DAPK2: variants seen among roughly 807,000 people sequenced by gnomAD.
The protein encoded by DAPK2 is death associated protein kinase 2.
Under a neutral mutation model 44.1 loss-of-function variants are expected in DAPK2, and 35 were observed. The observed-to-expected ratio is 0.79, with a 90% CI of 0.61 to 1.05. The LOEUF is 1.05. Ranked by LOEUF, DAPK2 falls within the 50% of genes least tolerant of loss-of-function variation. DAPK2 has a pLI of 0.00. For missense variants in DAPK2, 453 were observed against 483.2 expected (o/e 0.94, Z 0.59); for synonymous variants, 174 against 182.6 (o/e 0.95, Z 0.38).
intron 1 of DAPK2, among the ~76,000 whole-genome samples, chr15:64,034,909 T>C (rs1242742889): frequency 1.3e-5 from 2 of 152,242 alleles, no homozygotes; most frequent in Non-Finnish European, 2.9e-5. Flanking sequence ...GGCTCACTCC[T>C]GTAATCCCAG....
At chr15:63,967,479 T>C (rs1167811393) in intron 3 of DAPK2, among the ~76,000 whole-genome samples, 1 of 152,084 alleles carries the variant, frequency 6.6e-6, no homozygotes, top group African/African-American at 2.4e-5. Context: ...TCACCTGAGG[T>C]CAGCAGTTCA....
In DAPK2 at chr15:63,908,214, T is replaced by C. The variant is rs1278141748; in HGVS notation, c.*306A>G. 4.3e-6 allele frequency: 1 copy of C among 230,566 alleles called. No individual in the cohort carries two copies. Among genetic ancestry groups the C allele is most frequent in the East Asian group, 8.7e-5 (1 of 11,432 alleles). 14.3% of individuals were successfully genotyped at this position (230,566 alleles called of 1,614,324 possible). On this transcript the variant is annotated 3_prime_UTR_variant, in exon 11 of 11. Coordinates refer to ENST00000261891, the Ensembl canonical transcript of DAPK2. This position sits in a 1 kb window ranked among gnomAD's most constrained non-coding sequence, Gnocchi z 5.7. ...GACCTTCACCCCGTGATGATGAGGA[T>C]GTCCTTTATATTGTTTTCCTAAGTC...
At chr15:64,000,502 T>A (rs113334224) in intron 1 of DAPK2, among the ~76,000 whole-genome samples, 1 of 152,200 alleles carries the variant, frequency 6.6e-6, no homozygotes, top group Non-Finnish European at 1.5e-5. Context: ...GGAACCCCTG[T>A]GTGTCATGAC....
intron 1 of DAPK2, among the ~76,000 whole-genome samples, chr15:63,988,264 T>C (rs1166682015): frequency 6.6e-6 from 1 of 152,048 alleles, no homozygotes; most frequent in Non-Finnish European, 1.5e-5. Flanking sequence ...TGCCACCTCA[T>C]AAGGGCTCTC....
chr15:64,038,683 G>C (rs2080276162), intron 1 of DAPK2, among the ~76,000 whole-genome samples: 1 of 149,250 alleles, frequency 6.7e-6, no homozygotes, highest in African/African-American at 2.5e-5. Flanking sequence ...ATCTTTGAAA[G>C]TTTAAAAAAA....
chr15:63,964,582 T>C (rs2077999655), intron 3 of DAPK2, among the ~76,000 whole-genome samples: 1 of 152,140 alleles, frequency 6.6e-6, no homozygotes, highest in Non-Finnish European at 1.5e-5. Flanking sequence ...CCAATAACTC[T>C]TAAATTTGCC....
rs777029949 is a variant in DAPK2, at chr15:64,028,030, GTATC to G, written c.92+12136_92+12139del. 1.8e-4 allele frequency among the ~76,000 whole-genome samples: 17 copies of G among 94,266 alleles called. No homozygotes were observed. The South Asian group carries it at 2.7e-3, about 15-fold the overall frequency. The allele number at this position is 94,266 out of a possible 152,430, so 61.8% of individuals were successfully genotyped here. A position where few individuals can be genotyped will look rare whatever the true frequency, so the allele number is the denominator to read the frequency against. ...TGAAGTTAGCAGAAGTACATAAACT[GTATC>G]TATCTATCTATCTATCTATCTATCT... On this transcript the variant is annotated intron_variant, in intron 1 of 10. Coordinates refer to ENST00000261891, the Ensembl canonical transcript of DAPK2.
chr15:63,946,712 C>T (rs2077457764), intron 3 of DAPK2, among the ~76,000 whole-genome samples: 1 of 152,148 alleles, frequency 6.6e-6, no homozygotes, highest in Admixed American at 6.5e-5. Context: ...TGAGCAAGGA[C>T]CTCCAGCCCA....
chr15:63,960,966 T>C (rs1174196216), intron 3 of DAPK2, among the ~76,000 whole-genome samples: 2 of 152,212 alleles, frequency 1.3e-5, no homozygotes, highest in Non-Finnish European at 2.9e-5. Flanking sequence ...CTCCCATTAT[T>C]ATTGTGTGGG....
At chr15:64,001,092 C>T (rs936365817) in intron 1 of DAPK2, among the ~76,000 whole-genome samples, 12 of 151,874 alleles carry the variant, frequency 7.9e-5, no homozygotes, top group African/African-American at 2.9e-4. Flanking sequence ...GTTGGCCAGG[C>T]TGGTCTAGAA....
chr15:63,991,064 G>A (rs540795108), intron 1 of DAPK2, among the ~76,000 whole-genome samples: 3 of 152,182 alleles, frequency 2.0e-5, no homozygotes, highest in African/African-American at 7.2e-5. Flanking sequence ...TGAACAAGAC[G>A]CAGAAAACAC....
At chr15:63,992,028 C>A (rs940520321) in intron 1 of DAPK2, among the ~76,000 whole-genome samples, 1 of 152,044 alleles carries the variant, frequency 6.6e-6, no homozygotes, top group Non-Finnish European at 1.5e-5. Context: ...GTTGTTGTTG[C>A]GGGGTACAGG....
At chr15:63,954,418 G>A (rs2077667795) in intron 3 of DAPK2, among the ~76,000 whole-genome samples, 1 of 152,114 alleles carries the variant, frequency 6.6e-6, no homozygotes, top group African/African-American at 2.4e-5. Context: ...CCTTTCCCCA[G>A]TTATGTTGTT....
intron 1 of DAPK2, among the ~76,000 whole-genome samples, chr15:64,014,943 AC>A (rs1200557015): frequency 3.4e-5 from 5 of 146,630 alleles, no homozygotes; most frequent in Non-Finnish European, 6.1e-5. Flanking sequence ...AAAAAAAAAA[AC>A]ATTCTGACAT....
At chr15:63,927,707 CAAG>C (rs1400305323) in intron 6 of DAPK2, among the ~76,000 whole-genome samples, 1 of 151,684 alleles carries the variant, frequency 6.6e-6, no homozygotes, top group Non-Finnish European at 1.5e-5. Flanking sequence ...AAATGAGCCA[CAAG>C]AAGACTATGT....
chr15:64,037,015 T>C (rs1413238601), intron 1 of DAPK2, among the ~76,000 whole-genome samples: 1 of 151,978 alleles, frequency 6.6e-6, no homozygotes, highest in African/African-American at 2.4e-5. Context: ...CCCACAACCA[T>C]GAGCTAGGTA....
intron 6 of DAPK2, among the ~76,000 whole-genome samples, chr15:63,928,654 A>G (rs1217202653): frequency 6.6e-6 from 1 of 152,178 alleles, no homozygotes; most frequent in African/African-American, 2.4e-5. Context: ...CCAGAGGTTA[A>G]GTCCCTACCC....
chr15:64,030,487 A>C (rs2079980527), intron 1 of DAPK2, among the ~76,000 whole-genome samples: 1 of 152,046 alleles, frequency 6.6e-6, no homozygotes, highest in Admixed American at 6.6e-5. Flanking sequence ...AACCTCATCA[A>C]GGCTGCAGGA....
At chr15:64,043,270 T>G (rs1371735736), upstream of DAPK2, among the ~76,000 whole-genome samples, 1 of 152,188 alleles carries the variant, frequency 6.6e-6, no homozygotes, top group Non-Finnish European at 1.5e-5. Flanking sequence ...CTAAGAGAAA[T>G]GCATGCAGAT....
Sources: allele counts gnomAD v4.1 joint callset (sites outside exome capture counted in the v4.1 genomes callset), GRCh38; gene constraint gnomAD v4.1.1; non-coding constraint Gnocchi (gnomAD v3.1); transcripts MANE v1.5; gene names NCBI Gene and HGNC (gene_info 2026-07-23, HGNC 2026-07-21).